Variants in PSD2 observed in about 807,000 individuals in gnomAD.
The protein encoded by PSD2 is PH and SEC7 domain-containing protein 2.
Under a neutral mutation model 69.8 loss-of-function variants are expected in PSD2, and 38 were observed. That is an observed-to-expected ratio of 0.54 (90% confidence interval 0.42 to 0.71). PSD2 has a LOEUF of 0.71. Ranked by LOEUF, PSD2 falls within the 30% of genes least tolerant of loss-of-function variation. PSD2 has a pLI of 0.00. For synonymous variants in PSD2, 412 were observed against 423.0 expected, an observed-to-expected ratio of 0.97 and a Z score of 0.32; for missense variants, 943 against 1,014.5, an observed-to-expected ratio of 0.93 and a Z score of 0.96.
chr5:139,743,130 G>A, the PSD2 span, among the ~76,000 whole-genome samples: 1 of 152,184 alleles, frequency 6.6e-6, no homozygotes, highest in East Asian at 1.9e-4. Flanking sequence ...CTGGGCCTAG[G>A]AGAGCTGCGA....
At chr5:139,809,352 C>G in intron 1 of PSD2, 39 bp from the exon 2 acceptor site, 3 of 1,482,506 alleles carry the variant, frequency 2.0e-6, no homozygotes, top group African/African-American at 1.4e-5. Context: ...CAGCCCCAGT[C>G]CTGTCTGACC....
intron 6 of PSD2, among the ~76,000 whole-genome samples, chr5:139,822,501 G>A (rs563766932): frequency 6.6e-6 from 1 of 152,330 alleles, no homozygotes; most frequent in Middle Eastern, 3.4e-3. Context: ...CAGGAGTCTG[G>A]GCCAGAGTGG....
rs1314740480 is a variant in PSD2, at chr5:139,839,727, TG to T, written c.1969-299del. Reference sequence around the variant, plus strand: ...TTTTGTGTGGGGGTCATTGTGTGTCTGTGTCAGGGACTGTCTATGTGCACAT... The same window carrying T: ...TTTTGTGTGGGGGTCATTGTGTGTCTTGTCAGGGACTGTCTATGTGCACAT... On this transcript the variant is annotated intron_variant, in intron 13 of 14. Coordinates refer to ENST00000274710, the MANE Select transcript of PSD2 (RefSeq NM_032289.4). The surrounding 1 kb of genome is among the most constrained non-coding windows in gnomAD (Gnocchi z 5.1). Among the ~76,000 whole-genome samples, 1 of 152,262 alleles carries T rather than the reference TG, an allele frequency of 6.6e-6. No homozygotes were observed. Among genetic ancestry groups the T allele is most frequent in the African/African-American group, 2.4e-5 (1 of 41,476 alleles).
the PSD2 span, among the ~76,000 whole-genome samples, chr5:139,778,017 C>G: frequency 6.6e-6 from 1 of 152,240 alleles, no homozygotes; most frequent in African/African-American, 2.4e-5. Context: ...CAAACCCAGG[C>G]CCCCATGGGC....
At chr5:139,836,390 G>A (rs565196725) in intron 9 of PSD2, among the ~76,000 whole-genome samples, 25 of 152,300 alleles carry the variant, frequency 1.6e-4, no homozygotes, top group Non-Finnish European at 3.4e-4. Flanking sequence ...CTCTCATGGG[G>A]GCCCAGGCTT....
intron 2 of PSD2, among the ~76,000 whole-genome samples, chr5:139,811,927 C>G (rs577377387): frequency 2.0e-5 from 3 of 152,242 alleles, no homozygotes; most frequent in African/African-American, 7.2e-5. Context: ...CACTTTCTGT[C>G]TCTGTTGTCC....
the PSD2 span, among the ~76,000 whole-genome samples, chr5:139,783,943 CTTTTTTT>C: frequency 1.1e-5 from 1 of 87,888 alleles, no homozygotes; most frequent in East Asian, 4.5e-4. Context: ...TCTGCTAGCT[CTTTTTTT>C]TTTTTTTTTT....
intron 1 of PSD2, among the ~76,000 whole-genome samples, chr5:139,804,136 T>A (rs558750895): frequency 1.1e-4 from 16 of 152,310 alleles, no homozygotes; most frequent in Admixed American, 5.2e-4. Flanking sequence ...TCTGTGTGTG[T>A]CTTGTGTGTT....
At chr5:139,830,506 A>G (rs1475202681) in intron 7 of PSD2, among the ~76,000 whole-genome samples, 1 of 136,046 alleles carries the variant, frequency 7.4e-6, no homozygotes, top group Non-Finnish European at 1.6e-5. Flanking sequence ...ATGTGCCATC[A>G]TGCCCAGCTA....
chr5:139,784,858 G>T, the PSD2 span, among the ~76,000 whole-genome samples: 1 of 151,596 alleles, frequency 6.6e-6, no homozygotes, highest in Non-Finnish European at 1.5e-5. Context: ...GGGTTCAAAT[G>T]ATTTTCCTGT....
chr5:139,828,647 C>T (rs1339711854), intron 7 of PSD2, among the ~76,000 whole-genome samples: 2 of 152,202 alleles, frequency 1.3e-5, no homozygotes, highest in Non-Finnish European at 2.9e-5. Flanking sequence ...CGAAGGATGA[C>T]GTCTGCTTGG....
the PSD2 span, among the ~76,000 whole-genome samples, chr5:139,771,344 G>A: frequency 6.6e-6 from 1 of 152,214 alleles, no homozygotes; most frequent in Admixed American, 6.5e-5. Context: ...CTGAGCGCAG[G>A]AGTGCAGGCA....
At chr5:139,838,598 G>A (rs768264768) in intron 12 of PSD2, 30 bp from the exon 13 acceptor site, 45 of 1,603,222 alleles carry the variant, frequency 2.8e-5, no homozygotes, top group Non-Finnish European at 3.4e-6. Context: ...TGTGTGAGAG[G>A]CCGGCACCCT....
chr5:139,791,995 T>C (rs986759087), upstream of PSD2, among the ~76,000 whole-genome samples: 2 of 152,136 alleles, frequency 1.3e-5, no homozygotes, highest in South Asian at 4.2e-4. Context: ...TGAGAGTGCG[T>C]GAAGGGGAAG....
intron 6 of PSD2, among the ~76,000 whole-genome samples, chr5:139,822,339 G>C (rs190115004): frequency 6.6e-6 from 1 of 152,316 alleles, no homozygotes; most frequent in African/African-American, 2.4e-5. Context: ...GGTCCTCTTA[G>C]GGACAGGACT....
the PSD2 span, among the ~76,000 whole-genome samples, chr5:139,747,387 C>G: frequency 1.3e-5 from 2 of 152,164 alleles, no homozygotes; most frequent in Admixed American, 6.5e-5. This position sits in a 1 kb window ranked among gnomAD's most constrained non-coding sequence, Gnocchi z 6.7. Flanking sequence ...TTAACCTTCA[C>G]GCTTCAGGCC....
the PSD2 span, among the ~76,000 whole-genome samples, chr5:139,775,717 G>A: frequency 6.6e-6 from 1 of 152,106 alleles, no homozygotes; most frequent in African/African-American, 2.4e-5. Flanking sequence ...CGCCCAGGCT[G>A]GAGTGCAATG....
rs182279699 is a variant in PSD2 at position 139,819,180 on chromosome 5, C to T, written c.1097+1619C>T. 7.2e-5 allele frequency among the ~76,000 whole-genome samples: 11 copies of T among 152,310 alleles called. No homozygotes were observed. The East Asian group carries it at 2.1e-3, about 29-fold the overall frequency. ...TCTGTGTTCCTCCAGAGAGGGTTTA[C>T]GTTGTCCTTTGCTAGGCAGTTAGAA... On this transcript the variant is annotated intron_variant, in intron 5 of 14. Transcript: ENST00000274710.
chr5:139,813,171 A>G, intron 2 of PSD2, 138 bp from the exon 3 acceptor site: 1 of 660,730 alleles, frequency 1.5e-6, no homozygotes, highest in South Asian at 2.6e-5. Context: ...CTCAGTTAGT[A>G]TTGGCTGAAG....
Sources: gnomAD v4.1 joint callset for allele counts (sites outside exome capture counted in the v4.1 genomes callset) on GRCh38, gnomAD v4.1.1 for gene constraint, Gnocchi (gnomAD v3.1) non-coding constraint, MANE v1.5 for transcripts, NCBI Gene and HGNC (gene_info 2026-07-23, HGNC 2026-07-21) for gene names.